Variants in CRB2 observed in about 807,000 individuals in gnomAD.
The protein encoded by CRB2 is protein crumbs homolog 2.
In CRB2, 85 loss-of-function variants were observed where a neutral mutation model predicts 110.9. That is an observed-to-expected ratio of 0.77 (90% confidence interval 0.64 to 0.92). The LOEUF (loss-of-function observed/expected upper bound fraction) is 0.92, where lower values mean the gene tolerates loss of function less well. Ranked by LOEUF, CRB2 falls within the 40% of genes least tolerant of loss-of-function variation. The pLI is 0.00. For synonymous variants in CRB2, 907 were observed against 831.0 expected (o/e 1.09, Z -1.57); for missense variants, 1,843 against 1,851.3 (o/e 1.00, Z 0.08).
chr9:123,363,095 A>T lies in CRB2; in HGVS notation c.325A>T (p.Ile109Phe). 6.2e-7 allele frequency: 1 copy of T among 1,611,636 alleles called. No individual in the cohort carries two copies. The highest frequency in any genetic ancestry group is 8.5e-7 in the Non-Finnish European group (1 of 1,179,964). The change falls in exon 2 of 13, where the codon ATC becomes TTC. Residue 109 changes from isoleucine (I) to phenylalanine (F), a missense_variant. Physicochemically the swap from Ile to Phe is conservative, Grantham distance 21. Coordinates refer to ENST00000373631, the MANE Select transcript of CRB2 (RefSeq NM_173689.7). ...GFQGPRCELD[I>F]DECASRPCHH... is the part of the protein sequence containing the mutation. ...CCAGGGCCCACGCTGCGAGCTGGAC[A>T]TCGATGAGTGTGCATCCCGGCCGTG...
At chr9:123,357,948 G>A (rs1380861145) in intron 1 of CRB2, among the ~76,000 whole-genome samples, 2 of 152,274 alleles carry the variant, frequency 1.3e-5, no homozygotes, top group African/African-American at 4.8e-5. Context: ...AGTGGATGGA[G>A]GCTGTGGGGG....
At chr9:123,356,400 C>A in intron 1 of CRB2, 46 bp downstream of exon 1, 1 of 1,422,908 alleles carries the variant, frequency 7.0e-7, no homozygotes, top group Non-Finnish European at 9.4e-7. Context: ...AGGGTCTGTC[C>A]CCCAAGACAG....
intron 9 of CRB2, among the ~76,000 whole-genome samples, chr9:123,372,684 G>C (rs1202922838): frequency 6.6e-6 from 1 of 152,244 alleles, no homozygotes; most frequent in Non-Finnish European, 1.5e-5. Context: ...CACCCAGCTA[G>C]GCGGCTCTGA....
chr9:123,379,326 G>A (rs2042167108), downstream of CRB2, among the ~76,000 whole-genome samples: 1 of 152,166 alleles, frequency 6.6e-6, no homozygotes, highest in Non-Finnish European at 1.5e-5. Context: ...AGAGACCTGT[G>A]GGGGCGACTT....
chr9:123,376,350 A>G (rs1022810846), intron 12 of CRB2, among the ~76,000 whole-genome samples: 6 of 152,172 alleles, frequency 3.9e-5, no homozygotes, highest in African/African-American at 1.4e-4. Context: ...TGGAGACACC[A>G]GGGAGGTTTG....
In CRB2 at chr9:123,374,774, G is replaced by A; in HGVS notation, c.3506+79G>A. ...TTCCTCCAGCCAGGGTGGGGCGGGGGTCCTCGCCCACCTTCTCACCCCTCC... is the reference window on the plus strand; with the variant it reads ...TTCCTCCAGCCAGGGTGGGGCGGGGATCCTCGCCCACCTTCTCACCCCTCC... On this transcript the variant is annotated intron_variant, in intron 11 of 12. Transcript: ENST00000373631. 8.2e-6 allele frequency: 8 copies of A among 977,476 alleles called. 1 individual carries two copies. The highest frequency in any genetic ancestry group is 5.5e-4 in the Middle Eastern group (2 of 3,664). The allele number at this position is 977,476 out of a possible 1,614,324, so 60.6% of individuals were successfully genotyped here.
intron 6 of CRB2, chr9:123,368,779 A>G (rs1588211838): frequency 2.0e-5 from 23 of 1,162,608 alleles, no homozygotes; most frequent in Non-Finnish European, 2.4e-5. Context: ...AGTGCCTGGC[A>G]TTCCTGAGCA....
intron 5 of CRB2, 103 bp downstream of exon 5, chr9:123,367,460 AC>A: frequency 2.2e-6 from 1 of 457,678 alleles, no homozygotes; most frequent in South Asian, 2.4e-5. Context: ...CACACCCCAC[AC>A]CCGAGTCTGC....
chr9:123,369,059 C>T (rs1178447244), intron 6 of CRB2: 4 of 776,864 alleles, frequency 5.1e-6, no homozygotes, highest in Non-Finnish European at 6.7e-6. Flanking sequence ...CTGGTGACTT[C>T]TCTGGGCCTG....
In CRB2 at chr9:123,370,182, G is replaced by C; in HGVS notation, c.1129G>C (p.Val377Leu). 6.2e-7 allele frequency: 1 copy of C among 1,612,560 alleles called. No individual in the cohort carries two copies. Among genetic ancestry groups the C allele is most frequent in the Non-Finnish European group, 8.5e-7 (1 of 1,179,506 alleles). Reference sequence around the variant, plus strand: ...GCACGGCGGAACCTGCAGTGACACTGTGGCAGGCTATATCTGCAGGTGCCC... The same window carrying C: ...GCACGGCGGAACCTGCAGTGACACTCTGGCAGGCTATATCTGCAGGTGCCC... The part of the protein sequence containing the change: ...CLHGGTCSDT[V>L]AGYICRCPET... Residue 377 changes from valine to leucine, a missense_variant, in exon 7 of 13, where the codon GTG becomes CTG. Val to Leu is a conservative substitution (Grantham distance 32). Transcript: ENST00000373631.
chr9:123,374,623 T>A lies in CRB2; in HGVS notation c.3434T>A (p.Leu1145His), dbSNP rs1017481514. Residue 1145 changes from leucine to histidine, a missense_variant, in exon 11 of 13, where the codon CTC (leucine) becomes CAC (histidine). Physicochemically the swap from Leu to His is moderately conservative, Grantham distance 99. Transcript: ENST00000373631. ...SKECSLNVTC[L>H]DGSPCEGGSP... ...GAGTGCAGCCTGAATGTCACCTGCC[T>A]CGATGGCAGCCCATGTGAGGGTGGC... 1.9e-6 allele frequency: 3 copies of A among 1,613,394 alleles called. No homozygotes were observed. Among genetic ancestry groups the A allele is most frequent in the Non-Finnish European group, 2.5e-6 (3 of 1,179,948 alleles).
At position 123,367,671 on chromosome 9, in the gene CRB2, C is replaced by T. The variant is rs1258064815; in HGVS notation, c.1039C>T (p.Pro347Ser). The T allele has an allele frequency of 2.6e-6, 4 of 1,561,400 alleles. No individual in the cohort carries two copies. Among genetic ancestry groups the T allele is most frequent in the Non-Finnish European group, 3.5e-6 (4 of 1,153,638 alleles). ...GCCCAATGGCTTCCAGTGTCACTGC[C>T]CAGATGGCTACGCAGGTGTCTGGGG... ...DLPNGFQCHCPDGYAGPTCEE... is the reference protein window; with the variant it reads ...DLPNGFQCHCSDGYAGPTCEE... Residue 347 changes from proline (P) to serine (S), a missense_variant, in exon 6 of 13, where the codon CCA (proline) becomes TCA (serine). By Grantham distance (74) the Pro-to-Ser change is moderately conservative. Transcript: ENST00000373631.
chr9:123,367,428 C>CA, intron 5 of CRB2, 71 bp downstream of exon 5: 1 of 929,262 alleles, frequency 1.1e-6, no homozygotes, highest in East Asian at 3.4e-5. Flanking sequence ...CCCACCCCCC[C>CA]ACCCCCCCCA....
chr9:123,366,135 G>A (rs2041927927), intron 3 of CRB2, 23 bp downstream of exon 3: 11 of 1,394,986 alleles, frequency 7.9e-6, no homozygotes, highest in Middle Eastern at 4.5e-4. Flanking sequence ...CGGGGCAGGC[G>A]GCAGGGGCGC....
intron 2 of CRB2, 146 bp downstream of exon 2, chr9:123,363,334 T>C (rs1825239260): frequency 4.7e-6 from 4 of 849,608 alleles, no homozygotes; most frequent in Non-Finnish European, 7.2e-6. Flanking sequence ...CCACTTGGTC[T>C]GACTACAGAA....
Position 123,370,298 on chromosome 9 carries a change from C to T in CRB2, c.1245C>T (p.Phe415=), listed in dbSNP as rs770973228. 1.1e-5 allele frequency: 17 copies of T among 1,613,454 alleles called. No homozygotes were observed. The highest frequency in any genetic ancestry group is 3.3e-5 in the Admixed American group (2 of 60,018). ...CPLAATCIPI[F]ESGVHSYVCH... ...TGGCTGCCACCTGCATCCCTATCTT[C>T]GAGTCTGGGGTCCACAGTTACGTCT... The change falls in exon 7 of 13, where the codon TTC becomes TTT. Residue 415 remains phenylalanine, a synonymous_variant. Coordinates refer to ENST00000373631, the MANE Select transcript of CRB2 (RefSeq NM_173689.7).
chr9:123,369,155 G>T (rs938672749), intron 6 of CRB2, among the ~76,000 whole-genome samples: 1 of 152,124 alleles, frequency 6.6e-6, no homozygotes, highest in African/African-American at 2.4e-5. Context: ...CACCTGAAGG[G>T]ATCCCTAGAG....
chr9:123,374,515 A>C, intron 10 of CRB2, 64 bp from the exon 11 acceptor site: 1 of 1,210,636 alleles, frequency 8.3e-7, no homozygotes, highest in Non-Finnish European at 1.2e-6. Flanking sequence ...GCCCACGGTC[A>C]CAGCGCTGGG....
chr9:123,367,302 C>T lies in CRB2; in HGVS notation c.885C>T (p.Ala295=). 1 of 1,604,466 alleles carries T rather than the reference C, an allele frequency of 6.2e-7. No individual in the cohort carries two copies. Among genetic ancestry groups the T allele is most frequent in the Non-Finnish European group, 8.5e-7 (1 of 1,179,460 alleles). Residue 295 remains alanine, a synonymous_variant, in exon 5 of 13, where the codon GCC becomes GCT. Transcript: ENST00000373631. The stretch of plus-strand genomic sequence containing the variant: ...GTGTCCAGGCCGCCTTCCCTGGCGC[C>T]TTCAGCTTCCGCCATGCTGCGGGTT... ...YGGVQAAFPG[A]FSFRHAAGFL...
Sources: allele counts gnomAD v4.1 joint callset (sites outside exome capture counted in the v4.1 genomes callset), GRCh38; gene constraint gnomAD v4.1.1; transcripts MANE v1.5; gene names NCBI Gene and HGNC (gene_info 2026-07-23, HGNC 2026-07-21).